Variants in WARS1 observed in about 807,000 individuals in gnomAD.
The protein encoded by WARS1 is tryptophan--tRNA ligase, cytoplasmic.
WARS1 carries 17 observed loss-of-function variants against 47.8 expected under a neutral mutation model. The ratio of observed to expected loss-of-function variants is 0.36; its 90% CI spans 0.24 to 0.53. The LOEUF (loss-of-function observed/expected upper bound fraction) is 0.53. WARS1 is among the 20% of genes least tolerant of loss of function. The pLI is 0.91. For synonymous variants in WARS1, 208 were observed against 228.1 expected, an observed-to-expected ratio of 0.91 and a Z score of 0.79; for missense variants, 434 against 608.0, an observed-to-expected ratio of 0.71 and a Z score of 3.01.
chr14:100,374,856 A>C (rs544358343), intron 1 of WARS1: 1 of 152,276 alleles, frequency 6.6e-6, no homozygotes, highest in South Asian at 2.1e-4. Context: ...GGGACCCATC[A>C]TGTTCCATTT....
chr14:100,350,693 C>G lies in WARS1; in HGVS notation c.725+2994G>C, dbSNP rs3783343. On this transcript the variant is annotated intron_variant, in intron 6 of 10. Transcript: ENST00000392882. ...ACGAAGCGGCTCAGCTTTGCTTCTG[C>G]TGTGTCTGTGGGGCCCAGGAGGGGA... Among the ~76,000 whole-genome samples the G allele has an allele frequency of 5.9e-4, 90 of 152,288 alleles. No homozygotes were observed. The East Asian group carries it at 0.015, about 25-fold the overall frequency.
At chr14:100,360,695 G>T in intron 3 of WARS1, 33 bp from the exon 4 acceptor site, 1 of 1,530,354 alleles carries the variant, frequency 6.5e-7, no homozygotes, top group Non-Finnish European at 9.0e-7. Flanking sequence ...TTTCTTAGGT[G>T]GCAGGAGGTT....
At chr14:100,355,832 T>C (rs570264032) in intron 4 of WARS1, among the ~76,000 whole-genome samples, 2 of 152,198 alleles carry the variant, frequency 1.3e-5, no homozygotes, top group Non-Finnish European at 2.9e-5. Context: ...GCTTTTGAAA[T>C]AAGGAAAGAA....
At chr14:100,350,623 T>C (rs964215467) in intron 6 of WARS1, among the ~76,000 whole-genome samples, 1 of 152,124 alleles carries the variant, frequency 6.6e-6, no homozygotes, top group Non-Finnish European at 1.5e-5. Context: ...CATGGACTAT[T>C]ATAGGCACTT....
intron 7 of WARS1, among the ~76,000 whole-genome samples, chr14:100,344,691 C>T (rs1203959245): frequency 2.8e-4 from 42 of 151,188 alleles, no homozygotes; most frequent in Admixed American, 2.4e-3. Context: ...TGTCTCTGCC[C>T]GGCCGCCCAT....
chr14:100,344,090 GTCTCCC>G (rs1234018004), intron 7 of WARS1, among the ~76,000 whole-genome samples: 5 of 150,272 alleles, frequency 3.3e-5, no homozygotes, highest in African/African-American at 1.2e-4. Context: ...TCTCCCCACG[GTCTCCC>G]TCTCCCTCTC....
intron 1 of WARS1, chr14:100,370,532 G>A (rs1394854159): frequency 1.3e-5 from 2 of 152,182 alleles, no homozygotes; most frequent in Non-Finnish European, 2.9e-5. Flanking sequence ...TAAAACCTTG[G>A]AGAAGGAAAA....
At position 100,337,080 on chromosome 14, in the gene WARS1, C is replaced by T. The variant is rs1595399676; in HGVS notation, c.1236G>A (p.Lys412=). Reference sequence around the variant, plus strand: ...TGCTCACCTTCCTGATCTGCTCGAGCTTGTCGTCGTCCTCGAGGAAGAAGG... The same window carrying T: ...TGCTCACCTTCCTGATCTGCTCGAGTTTGTCGTCGTCCTCGAGGAAGAAGG... ...YLTFFLEDDD[K]LEQIRKDYTS... is the part of the protein sequence containing the mutation. Residue 412 remains lysine (K), a synonymous_variant, in exon 10 of 11, where the codon AAG becomes AAA. Transcript: ENST00000392882. 6.2e-7 allele frequency: 1 copy of T among 1,614,050 alleles called. No individual in the cohort carries two copies. Among genetic ancestry groups the T allele is most frequent in the East Asian group, 2.2e-5 (1 of 44,878 alleles).
intron 8 of WARS1, among the ~76,000 whole-genome samples, 156 bp downstream of exon 8, chr14:100,343,119 C>T (rs561874725): frequency 3.3e-4 from 51 of 152,330 alleles, no homozygotes; most frequent in African/African-American, 7.7e-4. Flanking sequence ...TCAAGTGATC[C>T]GCCTGCCTTG....
intron 7 of WARS1, among the ~76,000 whole-genome samples, chr14:100,344,637 G>A: frequency 6.6e-6 from 1 of 150,498 alleles, no homozygotes; most frequent in African/African-American, 2.4e-5. Context: ...TAGGAAGTGA[G>A]GAGCGCCTCT....
In WARS1 at chr14:100,352,108, C is replaced by CTTT. The variant is rs1172421175; in HGVS notation, c.725+1576_725+1578dup. On this transcript the variant is annotated intron_variant, in intron 6 of 10. Transcript: ENST00000392882. Reference sequence around the variant, plus strand: ...TATAAAACCACTACTCAGTTTCTTTCTTTTTTTTTTTTTTTTTTTTTGAGA... The same window carrying CTTT: ...TATAAAACCACTACTCAGTTTCTTTCTTTTTTTTTTTTTTTTTTTTTTTTGAGA... Among the ~76,000 whole-genome samples, 359 of 94,232 alleles carry CTTT rather than the reference C, an allele frequency of 3.8e-3. 1 individual carries two copies. Among genetic ancestry groups the CTTT allele is most frequent in the Middle Eastern group, 0.013 (1 of 78 alleles). 61.8% of individuals were successfully genotyped at this position (94,232 alleles called of 152,430 possible). A position where few individuals can be genotyped will look rare whatever the true frequency, so the allele number is the denominator to read the frequency against.
intron 6 of WARS1, among the ~76,000 whole-genome samples, chr14:100,350,463 C>T (rs1039793724): frequency 6.0e-5 from 9 of 150,292 alleles, no homozygotes; most frequent in East Asian, 1.9e-4. Context: ...GAGCTGCAAC[C>T]GCAGTTGCCA....
Position 100,337,056 on chromosome 14 carries a change from G to A in WARS1, c.1254+6C>T. The A allele has an allele frequency of 6.2e-7, 1 of 1,610,934 alleles. No individual in the cohort carries two copies. The highest frequency in any genetic ancestry group is 8.5e-7 in the Non-Finnish European group (1 of 1,177,240). ...CGGCTGTGGGCCCTTGGGGTTCCCT[G>A]CTCACCTTCCTGATCTGCTCGAGCT... On this transcript the variant is annotated splice_donor_region_variant and intron_variant, in intron 10 of 10. Coordinates refer to ENST00000392882, the MANE Select transcript of WARS1 (RefSeq NM_004184.4).
intron 8 of WARS1, among the ~76,000 whole-genome samples, chr14:100,342,981 C>A (rs1894277665): frequency 6.6e-6 from 1 of 152,186 alleles, no homozygotes; most frequent in African/African-American, 2.4e-5. Context: ...GCAACCTCTG[C>A]CTCTGGGGTT....
chr14:100,350,665 T>A (rs1008614490), intron 6 of WARS1, among the ~76,000 whole-genome samples: 1 of 152,136 alleles, frequency 6.6e-6, no homozygotes, highest in African/African-American at 2.4e-5. Flanking sequence ...TTTATATCCA[T>A]CAACGAAGCG....
chr14:100,338,935 C>G (rs537659822), intron 9 of WARS1, among the ~76,000 whole-genome samples: 3 of 151,050 alleles, frequency 2.0e-5, no homozygotes, highest in Admixed American at 6.6e-5. Flanking sequence ...GAAGAAACCC[C>G]GTCTCTACTG....
intron 6 of WARS1, among the ~76,000 whole-genome samples, chr14:100,351,312 A>T (rs1894962720): frequency 6.6e-6 from 1 of 152,132 alleles, no homozygotes; most frequent in African/African-American, 2.4e-5. Flanking sequence ...CAGTTGAATC[A>T]TTGTATGGAA....
rs941640791 is a variant in WARS1, at chr14:100,373,481, C to T, written c.-74+1802G>A. 4.6e-5 allele frequency among the ~76,000 whole-genome samples: 7 copies of T among 152,080 alleles called. No individual in the cohort carries two copies. Among genetic ancestry groups the T allele is most frequent in the Admixed American group, 2.6e-4 (4 of 15,286 alleles). ...TGTCCTTCCAAAAAATGTGGTGCCC[C>T]GCGTGAAGGCAACAAGGCAGCAGCA... On this transcript the variant is annotated intron_variant, in intron 1 of 10. Transcript: ENST00000392882. The surrounding 1 kb of genome is among the most constrained non-coding windows in gnomAD (Gnocchi z 4.4).
chr14:100,344,110 C>A (rs1194235280), intron 7 of WARS1, among the ~76,000 whole-genome samples: 1 of 151,518 alleles, frequency 6.6e-6, no homozygotes, highest in Non-Finnish European at 1.5e-5. Context: ...CCCTCTCTTT[C>A]CACGGTCTCC....
Sources: allele counts gnomAD v4.1 joint callset (sites outside exome capture counted in the v4.1 genomes callset), GRCh38; gene constraint gnomAD v4.1.1; non-coding constraint Gnocchi (gnomAD v3.1); transcripts MANE v1.5; gene names NCBI Gene and HGNC (gene_info 2026-07-23, HGNC 2026-07-21).